SPHKAP: variants seen among roughly 807,000 people sequenced by gnomAD.
SPHKAP encodes the protein SPHK1 interactor, AKAP domain containing.
In SPHKAP, 67 loss-of-function variants were observed where a neutral mutation model predicts 137.5. That is an observed-to-expected ratio of 0.49 (90% CI 0.40 to 0.60). The LOEUF (loss-of-function observed/expected upper bound fraction) is 0.60, where lower values mean the gene tolerates loss of function less well. Ranked by LOEUF, SPHKAP falls within the 20% of genes least tolerant of loss-of-function variation. The pLI is 0.00. For missense variants in SPHKAP, 2,097 were observed against 2,069.3 expected (o/e 1.01, Z -0.26); for synonymous variants, 813 against 785.3 (o/e 1.04, Z -0.59).
chr2:228,134,230 GAGGGAGGA>G lies in SPHKAP; in HGVS notation c.33-2153_33-2146del, dbSNP rs1188815418. Among the ~76,000 whole-genome samples the G allele has an allele frequency of 1.1e-3, 110 of 103,458 alleles. No homozygotes were observed. The Middle Eastern group carries it at 0.013, about 12-fold the overall frequency. 67.9% of individuals were successfully genotyped at this position (103,458 alleles called of 152,430 possible). On this transcript the variant is annotated intron_variant, in intron 1 of 11. Coordinates refer to ENST00000392056, the MANE Select transcript of SPHKAP (RefSeq NM_001142644.2). ...CGAGGAAGGAAGGAAGGGAAGGAGG[GAGGGAGGA>G]AGGAAGGAAGGAAGGAAGGAAAGAA...
chr2:227,986,164 T>C (rs1480622166), intron 11 of SPHKAP, among the ~76,000 whole-genome samples: 1 of 152,244 alleles, frequency 6.6e-6, no homozygotes, highest in Non-Finnish European at 1.5e-5. Flanking sequence ...AGCGCCTCAG[T>C]ATCAAATTCT....
At chr2:228,122,987 G>A (rs188672492) in intron 2 of SPHKAP, among the ~76,000 whole-genome samples, 6 of 152,090 alleles carry the variant, frequency 3.9e-5, no homozygotes, top group Admixed American at 1.3e-4. Flanking sequence ...CAGCCCTTAC[G>A]GCCAAAGAGT....
intron 1 of SPHKAP, among the ~76,000 whole-genome samples, chr2:228,162,986 A>ACGTG (rs958130130): frequency 2.0e-5 from 3 of 152,190 alleles, no homozygotes; most frequent in Non-Finnish European, 2.9e-5. Context: ...GGTGTGAGTC[A>ACGTG]CGTGCCTGGC....
intron 2 of SPHKAP, among the ~76,000 whole-genome samples, chr2:228,123,762 C>T (rs1021218674): frequency 6.6e-5 from 10 of 152,104 alleles, no homozygotes; most frequent in African/African-American, 2.2e-4. Flanking sequence ...TCAATTTTGG[C>T]TTTTGTTGCC....
chr2:228,001,198 C>T (rs1693843045), intron 7 of SPHKAP, among the ~76,000 whole-genome samples: 2 of 148,896 alleles, frequency 1.3e-5, no homozygotes, highest in Non-Finnish European at 3.0e-5. Flanking sequence ...AGTGTCTCTT[C>T]AGGCCTTTTG....
At chr2:228,086,113 G>A (rs1697529755) in intron 3 of SPHKAP, among the ~76,000 whole-genome samples, 1 of 152,056 alleles carries the variant, frequency 6.6e-6, no homozygotes, top group Admixed American at 6.6e-5. Context: ...CAGGTCTGGA[G>A]TGACAGTATG....
rs189405117 is a variant in SPHKAP at position 227,995,701 on chromosome 2, A to G, written c.4449-7T>C. 11 of 1,566,094 alleles carry G rather than the reference A, an allele frequency of 7.0e-6. No homozygotes were observed. The East Asian group carries it at 1.6e-4, about 22-fold the overall frequency. ...TCTGGTATCAAGGCTGTCACTGTAGAGGGCAAGATATTATTACCAAGAGAG... is the reference window on the plus strand; with the variant it reads ...TCTGGTATCAAGGCTGTCACTGTAGGGGGCAAGATATTATTACCAAGAGAG... On this transcript the variant is annotated splice_polypyrimidine_tract_variant and splice_region_variant and intron_variant, in intron 7 of 11. Coordinates refer to ENST00000392056, the MANE Select transcript of SPHKAP (RefSeq NM_001142644.2).
intron 3 of SPHKAP, among the ~76,000 whole-genome samples, chr2:228,071,740 C>A (rs1260082570): frequency 6.6e-6 from 1 of 151,910 alleles, no homozygotes; most frequent in African/African-American, 2.4e-5. Context: ...GAGTGGTGGG[C>A]AACTGCAGCT....
intron 3 of SPHKAP, among the ~76,000 whole-genome samples, chr2:228,092,440 TG>T (rs1319729519): frequency 4.4e-5 from 2 of 45,822 alleles, no homozygotes; most frequent in Non-Finnish European, 9.2e-5. Context: ...TGTATATATG[TG>T]CCATATATAT....
rs144523383 is a variant in SPHKAP, at chr2:228,142,421, G to A, written c.33-10336C>T. Among the ~76,000 whole-genome samples, 522 of 151,656 alleles carry A rather than the reference G, an allele frequency of 3.4e-3. 4 individuals are homozygous for A. Among genetic ancestry groups the A allele is most frequent in the African/African-American group, 0.012 (507 of 41,274 alleles). ...TAGGAGGCAGAGCTTGCAGTGAGCC[G>A]AGATGGCACCAGTGCACTCCAGCCT... On this transcript the variant is annotated intron_variant, in intron 1 of 11. Transcript: ENST00000392056.
intron 2 of SPHKAP, among the ~76,000 whole-genome samples, chr2:228,114,605 T>A (rs141358413): frequency 1.2e-3 from 178 of 152,280 alleles, no homozygotes; most frequent in Non-Finnish European, 1.8e-3. Context: ...AACATGCTTG[T>A]AAAGGGCTAG....
At chr2:228,102,274 G>A (rs542709808) in intron 3 of SPHKAP, among the ~76,000 whole-genome samples, 1 of 151,380 alleles carries the variant, frequency 6.6e-6, no homozygotes, top group Admixed American at 6.6e-5. Context: ...TTGTCATTTG[G>A]TTTTTAAATT....
chr2:228,033,140 C>T (rs574578115), intron 3 of SPHKAP, among the ~76,000 whole-genome samples: 129 of 152,132 alleles, frequency 8.5e-4, no homozygotes, highest in East Asian at 1.4e-3. Context: ...ACCCATCTCA[C>T]GTGCAGAGAC....
intron 3 of SPHKAP, among the ~76,000 whole-genome samples, chr2:228,059,816 G>C (rs1696575857): frequency 6.6e-6 from 1 of 152,210 alleles, no homozygotes; most frequent in Admixed American, 6.5e-5. Context: ...CCTTCAGTGA[G>C]TTTGGTTGGC....
At chr2:228,008,832 C>T (rs1418090915) in intron 7 of SPHKAP, among the ~76,000 whole-genome samples, 4 of 151,980 alleles carry the variant, frequency 2.6e-5, no homozygotes, top group Non-Finnish European at 5.9e-5. Flanking sequence ...CTATTCTGTT[C>T]CATTGCTTGA....
chr2:228,011,290 A>G (rs1694357540), intron 7 of SPHKAP, among the ~76,000 whole-genome samples: 1 of 149,412 alleles, frequency 6.7e-6, no homozygotes, highest in Non-Finnish European at 1.5e-5. Flanking sequence ...CATAGTTCAC[A>G]CCTTTACTGA....
At chr2:228,004,043 C>T (rs1694022581) in intron 7 of SPHKAP, among the ~76,000 whole-genome samples, 1 of 152,144 alleles carries the variant, frequency 6.6e-6, no homozygotes, top group African/African-American at 2.4e-5. Flanking sequence ...ATGTCTCTGC[C>T]AGGCTTTGGT....
intron 3 of SPHKAP, among the ~76,000 whole-genome samples, chr2:228,093,727 G>A (rs958850867): frequency 2.6e-5 from 3 of 116,924 alleles, no homozygotes; most frequent in South Asian, 3.2e-4. Flanking sequence ...GAGTGGTGGC[G>A]GGTGCCTGTA....
intron 3 of SPHKAP, among the ~76,000 whole-genome samples, chr2:228,089,729 C>T (rs1688426799): frequency 6.6e-6 from 1 of 152,194 alleles, no homozygotes; most frequent in Non-Finnish European, 1.5e-5. Context: ...TGCCTCTCTG[C>T]ACCAGCCACA....
Sources: allele counts gnomAD v4.1 joint callset (sites outside exome capture counted in the v4.1 genomes callset), GRCh38; gene constraint gnomAD v4.1.1; transcripts MANE v1.5; gene names NCBI Gene and HGNC (gene_info 2026-07-23, HGNC 2026-07-21).